Variants in AUTS2 observed in about 807,000 individuals in gnomAD.
The protein encoded by AUTS2 is activator of transcription and developmental regulator AUTS2.
AUTS2 carries 17 observed loss-of-function variants against 112.4 expected under a neutral mutation model. The ratio of observed to expected loss-of-function variants is 0.15; its 90% CI spans 0.10 to 0.23. AUTS2 has a LOEUF of 0.23. Among genes scored for constraint, AUTS2 ranks in the 10% least tolerant of loss-of-function variants. The probability of loss-of-function intolerance (pLI) is 1.00; values close to 1 mark genes in which losing one functional copy is unlikely to be tolerated. For synonymous variants in AUTS2, 751 were observed against 702.7 expected (o/e 1.07, Z -1.09); for missense variants, 1,510 against 1,701.6 (o/e 0.89, Z 1.98).
chr7:69,665,645 G>A (rs769233067), intron 1 of AUTS2, among the ~76,000 whole-genome samples: 6 of 152,092 alleles, frequency 3.9e-5, no homozygotes, highest in Non-Finnish European at 8.8e-5. Context: ...CTTCCCTTCT[G>A]TATAATCATT....
chr7:70,230,207 C>G (rs932522529), intron 4 of AUTS2, among the ~76,000 whole-genome samples: 1 of 152,084 alleles, frequency 6.6e-6, no homozygotes, highest in East Asian at 1.9e-4. Context: ...ATTTCCCCAT[C>G]TCTTCCCTCA....
chr7:70,397,809 TG>T (rs1794155151), intron 4 of AUTS2, among the ~76,000 whole-genome samples: 1 of 152,178 alleles, frequency 6.6e-6, no homozygotes, highest in Non-Finnish European at 1.5e-5. Flanking sequence ...GTTGTGTTTT[TG>T]GTATTATAGT....
intron 1 of AUTS2, among the ~76,000 whole-genome samples, chr7:69,872,915 T>G (rs1793568539): frequency 7.0e-6 from 1 of 142,314 alleles, no homozygotes; most frequent in Non-Finnish European, 1.5e-5. Flanking sequence ...TGATCTTAGC[T>G]CACTGCAACC....
chr7:69,832,760 G>C (rs1323335279), intron 1 of AUTS2, among the ~76,000 whole-genome samples: 1 of 152,090 alleles, frequency 6.6e-6, no homozygotes, highest in East Asian at 1.9e-4. Context: ...TTTACCTGTT[G>C]CTTCTCAGAA....
intron 5 of AUTS2, among the ~76,000 whole-genome samples, chr7:70,585,401 G>C (rs38325): frequency 0.13 from 20,189 of 152,116 alleles, 1,662 homozygotes; most frequent in East Asian, 0.18. Flanking sequence ...CTACACTCCC[G>C]CTTCTCTTCC....
intron 4 of AUTS2, among the ~76,000 whole-genome samples, chr7:70,261,858 A>G (rs192415630): frequency 1.6e-4 from 25 of 152,308 alleles, no homozygotes; most frequent in Non-Finnish European, 2.5e-4. Context: ...ATGAATGTCT[A>G]TGACTGCCAT....
At chr7:70,077,003 A>G (rs961522400) in intron 2 of AUTS2, among the ~76,000 whole-genome samples, 7 of 152,200 alleles carry the variant, frequency 4.6e-5, no homozygotes, top group African/African-American at 1.4e-4. Flanking sequence ...ACTGTCTTCA[A>G]TTATTTAAAG....
intron 6 of AUTS2, among the ~76,000 whole-genome samples, chr7:70,745,867 A>G (rs559351104): frequency 6.6e-6 from 1 of 152,328 alleles, no homozygotes; most frequent in South Asian, 2.1e-4. Flanking sequence ...ATGTCCAATT[A>G]TGGAAACAAC....
chr7:69,599,864 A>G lies in AUTS2; in HGVS notation c.211A>G (p.Arg71Gly). The change falls in exon 1 of 19, where the codon AGA becomes GGA. Residue 71 changes from arginine to glycine, a missense_variant. Around this residue, in one of 3 missense-constraint regions of AUTS2, gnomAD observed 535 missense variants for 594.3 expected, o/e 0.90. Coordinates refer to ENST00000342771, the MANE Select transcript of AUTS2 (RefSeq NM_015570.4). This position sits in a 1 kb window ranked among gnomAD's most constrained non-coding sequence, Gnocchi z 7.0. The stretch of plus-strand genomic sequence containing the variant: ...CCCGTCCTCCGCCCCGTCCCGGCCC[A>G]GACCCCCGCGGAGGAAGCGGAGAGA... ...KPPSSAPSRP[R>G]PPRRKRREST... The G allele has an allele frequency of 5.0e-6, 8 of 1,612,346 alleles. No individual in the cohort carries two copies. The highest frequency in any genetic ancestry group is 6.8e-6 in the Non-Finnish European group (8 of 1,179,390).
intron 2 of AUTS2, among the ~76,000 whole-genome samples, chr7:70,103,917 A>T (rs562237946): frequency 6.6e-6 from 1 of 152,152 alleles, no homozygotes; most frequent in South Asian, 2.1e-4. Context: ...CTCAAAAAAA[A>T]AAAATAAATG....
chr7:70,594,789 G>A (rs1803113827), intron 5 of AUTS2, among the ~76,000 whole-genome samples: 1 of 152,124 alleles, frequency 6.6e-6, no homozygotes, highest in African/African-American at 2.4e-5. Flanking sequence ...GCACTAAAAT[G>A]GAGTGGGCAA....
At chr7:69,853,208 T>A (rs1034693524) in intron 1 of AUTS2, among the ~76,000 whole-genome samples, 8 of 152,216 alleles carry the variant, frequency 5.3e-5, no homozygotes, top group African/African-American at 1.7e-4. Flanking sequence ...CTAGTTGCTC[T>A]ATCAATTAAT....
chr7:70,298,274 C>T (rs1789041484), intron 4 of AUTS2, among the ~76,000 whole-genome samples: 1 of 152,024 alleles, frequency 6.6e-6, no homozygotes, highest in Non-Finnish European at 1.5e-5. Context: ...TTAGGTGATC[C>T]ACCCACCTCA....
intron 4 of AUTS2, among the ~76,000 whole-genome samples, chr7:70,196,997 T>C (rs929361639): frequency 2.6e-5 from 4 of 152,256 alleles, no homozygotes; most frequent in Admixed American, 1.3e-4. Context: ...ATAGCATTAC[T>C]ACTGTTTATT....
intron 2 of AUTS2, among the ~76,000 whole-genome samples, chr7:70,074,619 C>A (rs1802940415): frequency 6.6e-6 from 1 of 152,156 alleles, no homozygotes; most frequent in Admixed American, 6.5e-5. Context: ...TTTTCCACTC[C>A]ATTATACCCT....
At position 70,376,595 on chromosome 7, in the gene AUTS2, G is replaced by A. The variant is rs182749330; in HGVS notation, c.661-59157G>A. Reference sequence around the variant, plus strand: ...CTTTGTTCTCTTCTGGTCACTGGCCGTCTCAGGAGCTAGTCCCTGGAGCCC... The same window carrying A: ...CTTTGTTCTCTTCTGGTCACTGGCCATCTCAGGAGCTAGTCCCTGGAGCCC... On this transcript the variant is annotated intron_variant, in intron 4 of 18. Coordinates refer to ENST00000342771, the MANE Select transcript of AUTS2 (RefSeq NM_015570.4). Among the ~76,000 whole-genome samples, 25 of 151,738 alleles carry A rather than the reference G, an allele frequency of 1.6e-4. 1 individual carries two copies. The Middle Eastern group carries it at 0.01, about 62-fold the overall frequency.
intron 1 of AUTS2, among the ~76,000 whole-genome samples, chr7:69,737,235 A>T (rs539935980): frequency 6.6e-6 from 1 of 152,282 alleles, no homozygotes; most frequent in Non-Finnish European, 1.5e-5. Flanking sequence ...TTTTTGAGTA[A>T]TATCAACCAT....
intron 13 of AUTS2, among the ~76,000 whole-genome samples, chr7:70,775,947 A>C (rs1011994336): frequency 2.0e-5 from 3 of 152,232 alleles, no homozygotes; most frequent in African/African-American, 7.2e-5. Flanking sequence ...TAAGACAGAC[A>C]TGATGAATTG....
chr7:70,342,251 T>C (rs1791298660), intron 4 of AUTS2, among the ~76,000 whole-genome samples: 1 of 152,180 alleles, frequency 6.6e-6, no homozygotes, highest in Admixed American at 6.5e-5. Flanking sequence ...ACTCTGGGCA[T>C]CTCAGTTGAT....
Sources: gnomAD v4.1 joint callset for allele counts (sites outside exome capture counted in the v4.1 genomes callset) on GRCh38, gnomAD v4.1.1 for gene constraint, gnomAD v4.1.1 regional missense constraint, Gnocchi (gnomAD v3.1) non-coding constraint, MANE v1.5 for transcripts, NCBI Gene and HGNC (gene_info 2026-07-23, HGNC 2026-07-21) for gene names.